GSE1: variants seen among roughly 807,000 people sequenced by gnomAD.
GSE1 encodes the protein genetic suppressor element 1.
Under a neutral mutation model 112.6 loss-of-function variants are expected in GSE1, and 32 were observed. That is an observed-to-expected ratio of 0.28 (90% confidence interval 0.21 to 0.38). The LOEUF (loss-of-function observed/expected upper bound fraction) is 0.38, where lower values mean the gene tolerates loss of function less well. GSE1 is among the 10% of genes least tolerant of loss of function. The probability of loss-of-function intolerance (pLI) is 1.00; values close to 1 mark genes in which losing one functional copy is unlikely to be tolerated. For synonymous variants in GSE1, 1,115 were observed against 735.6 expected (o/e 1.52, Z -8.35); for missense variants, 2,348 against 1,699.2 (o/e 1.38, Z -6.71).
rs150110398 is a variant in GSE1, at chr16:85,247,018, G to A, written c.2283+75211G>A. ...GTGGGGGTCCCTAGAGGGGGGCACC[G>A]CCTTCTTCTCTGACCCATCTCGTCA... On this transcript the variant is annotated intron_variant, in intron 1 of 2. Transcript: ENST00000637419. Among the ~76,000 whole-genome samples, 49 of 152,174 alleles carry A rather than the reference G, an allele frequency of 3.2e-4. No homozygotes were observed. In the East Asian group the frequency reaches 8.9e-3, roughly 28 times the overall value.
rs779212276 is a variant in GSE1 at position 85,514,436 on chromosome 16, C to G, written c.2465-119478C>G. On this transcript the variant is annotated intron_variant, in intron 2 of 2. Transcript: ENST00000637419. ...CCGCATGCTCTCGAGTCCCCCCCCC[C>G]ACCCCAGGGCAGCTCCTGGGGCATC... Among the ~76,000 whole-genome samples, 42 of 62,302 alleles carry G rather than the reference C, an allele frequency of 6.7e-4. 2 individuals are homozygous for G. In the South Asian group the frequency reaches 8.1e-3, roughly 12 times the overall value. 40.9% of individuals were successfully genotyped at this position (62,302 alleles called of 152,430 possible). A position where few individuals can be genotyped will look rare whatever the true frequency, so the allele number is the denominator to read the frequency against.
chr16:85,651,109 G>A (rs948829638), intron 3 of GSE1, among the ~76,000 whole-genome samples: 37 of 113,644 alleles, frequency 3.3e-4, no homozygotes, highest in African/African-American at 1.1e-3. Flanking sequence ...TTCTTTCATC[G>A]TTGCAGCTGC....
chr16:85,250,217 T>A (rs1906315371), intron 1 of GSE1, among the ~76,000 whole-genome samples: 1 of 152,194 alleles, frequency 6.6e-6, no homozygotes, highest in African/African-American at 2.4e-5. Context: ...GGAGGCCAAG[T>A]GGCCTTTCTT....
At position 85,675,015 on chromosome 16, in the gene GSE1, C is replaced by T. The variant is rs941840899; in HGVS notation, c.*2476C>T. ...TGTCTCAAAAACGAAAGCACACCAC[C>T]CAAGACACAGTACCCAGTCATGGTT... On this transcript the variant is annotated 3_prime_UTR_variant, in exon 16 of 16. Transcript: ENST00000253458. 1 of 152,496 alleles carries T rather than the reference C, an allele frequency of 6.6e-6. No individual in the cohort carries two copies. The highest frequency in any genetic ancestry group is 1.5e-5 in the Non-Finnish European group (1 of 68,032). The allele number at this position is 152,496 out of a possible 1,614,324, so 9.4% of individuals were successfully genotyped here. A position where few individuals can be genotyped will look rare whatever the true frequency, so the allele number is the denominator to read the frequency against.
intron 1 of GSE1, among the ~76,000 whole-genome samples, chr16:85,228,182 A>C (rs2075521797): frequency 6.6e-6 from 1 of 152,232 alleles, no homozygotes; most frequent in South Asian, 2.1e-4. Flanking sequence ...CCCCCGCCGG[A>C]GGAGCCCTGT....
chr16:85,280,435 G>A (rs374820579), intron 1 of GSE1, among the ~76,000 whole-genome samples: 2 of 152,074 alleles, frequency 1.3e-5, no homozygotes, highest in South Asian at 2.1e-4. Context: ...TCTCTCTGTT[G>A]CCCAGGCTGG....
At chr16:85,661,983 A>C (rs1240047411) in intron 9 of GSE1, among the ~76,000 whole-genome samples, 1 of 152,222 alleles carries the variant, frequency 6.6e-6, no homozygotes, top group African/African-American at 2.4e-5. Flanking sequence ...CCTCGATGCA[A>C]ATTGTCCCAA....
chr16:85,335,926 T>C (rs2046472624), intron 1 of GSE1, among the ~76,000 whole-genome samples: 1 of 152,200 alleles, frequency 6.6e-6, no homozygotes, highest in South Asian at 2.1e-4. Flanking sequence ...TCCAGCATGC[T>C]GACCGGCTGG....
intron 1 of GSE1, among the ~76,000 whole-genome samples, chr16:85,619,703 T>A (rs766950088): frequency 6.6e-6 from 1 of 152,148 alleles, no homozygotes; most frequent in Non-Finnish European, 1.5e-5. Flanking sequence ...CCTATGAGGG[T>A]CACGCCGTGG....
chr16:85,546,666 T>C (rs1198786702), intron 2 of GSE1, among the ~76,000 whole-genome samples: 3 of 152,198 alleles, frequency 2.0e-5, no homozygotes, highest in Non-Finnish European at 4.4e-5. Context: ...CACAGGCAGC[T>C]CTTCCGGGCC....
chr16:85,331,165 T>C (rs1192002148), intron 1 of GSE1, among the ~76,000 whole-genome samples: 1 of 150,526 alleles, frequency 6.6e-6, no homozygotes, highest in Non-Finnish European at 1.5e-5. Context: ...TATTTATTTA[T>C]TTTTTGAGAC....
chr16:85,465,055 C>T (rs546232166), intron 2 of GSE1, among the ~76,000 whole-genome samples: 1 of 152,346 alleles, frequency 6.6e-6, no homozygotes, highest in Admixed American at 6.5e-5. Context: ...TGGTGGGAGC[C>T]TGGGCAGTCC....
chr16:85,661,268 T>C lies in GSE1; in HGVS notation c.1763T>C (p.Val588Ala). The part of the protein sequence containing the change: ...HAAPTALWNP[V>A]SLMDNTLETR... ...GCACCCACGGCCCTCTGGAACCCCG[T>C]GTCCCTGATGGACAACACCTTGGAG... Residue 588 changes from valine (V) to alanine (A), a missense_variant, in exon 9 of 16, where the codon GTG becomes GCG. Physicochemically the swap from Val to Ala is moderately conservative, Grantham distance 64. Coordinates refer to ENST00000253458, the MANE Select transcript of GSE1 (RefSeq NM_014615.5). The C allele has an allele frequency of 6.2e-7, 1 of 1,612,942 alleles. No homozygotes were observed. The highest frequency in any genetic ancestry group is 8.5e-7 in the Non-Finnish European group (1 of 1,179,992).
chr16:85,255,003 C>T lies in GSE1; in HGVS notation c.2283+83196C>T, dbSNP rs373935828. ...GGGGAGAAGAGGTGGTTGGGGGCAG[C>T]ACCCACCTCTGCCGCGGGCGGTCTC... is the stretch of plus-strand genomic sequence containing the variant. On this transcript the variant is annotated intron_variant, in intron 1 of 2. Coordinates refer to the GSE1 transcript ENST00000637419. Among the ~76,000 whole-genome samples, 20 of 152,372 alleles carry T rather than the reference C, an allele frequency of 1.3e-4. 1 individual carries two copies. In the South Asian group the frequency reaches 3.9e-3, roughly 30 times the overall value.
At chr16:85,460,896 G>T (rs919794285) in intron 2 of GSE1, among the ~76,000 whole-genome samples, 2 of 152,222 alleles carry the variant, frequency 1.3e-5, no homozygotes, top group African/African-American at 4.8e-5. Context: ...ATCAGGACGT[G>T]AAGTCTGATG....
intron 1 of GSE1, among the ~76,000 whole-genome samples, chr16:85,278,204 G>A (rs1165528270): frequency 1.3e-5 from 2 of 152,202 alleles, no homozygotes; most frequent in Non-Finnish European, 2.9e-5. Context: ...CTCCTGCAGC[G>A]TCAGGGGGCG....
At position 85,409,468 on chromosome 16, in the gene GSE1, C is replaced by T. The variant is rs1404821604; in HGVS notation, c.2464+51825C>T. Among the ~76,000 whole-genome samples the T allele has an allele frequency of 4.8e-4, 6 of 12,396 alleles. 1 individual carries two copies. The highest frequency in any genetic ancestry group is 6.8e-4 in the African/African-American group (5 of 7,302). The allele number at this position is 12,396 out of a possible 152,430, so 8.1% of individuals were successfully genotyped here. ...CCCCCGGATAATCCTCACTGTTACT[C>T]TCAGGCCCCCCTGGATAATCCTCAC... On this transcript the variant is annotated intron_variant, in intron 2 of 2. Coordinates refer to the GSE1 transcript ENST00000637419.
upstream of GSE1, chr16:85,555,677 C>A (rs1396203728): frequency 4.6e-6 from 4 of 864,708 alleles, no homozygotes; most frequent in South Asian, 1.1e-4. Flanking sequence ...CTCCCGCCGC[C>A]CCCCCCTTCC....
intron 1 of GSE1, among the ~76,000 whole-genome samples, chr16:85,347,911 C>G (rs2046775750): frequency 2.0e-5 from 3 of 152,218 alleles, no homozygotes; most frequent in Admixed American, 2.0e-4. Flanking sequence ...CCCAGCAGCC[C>G]TCGAGGCCTT....
Sources: allele counts gnomAD v4.1 joint callset (sites outside exome capture counted in the v4.1 genomes callset), GRCh38; gene constraint gnomAD v4.1.1; transcripts MANE v1.5; gene names NCBI Gene and HGNC (gene_info 2026-07-23, HGNC 2026-07-21).